The following BMP1 variants were observed in gnomAD, a reference collection of about 807,000 sequenced individuals.
The protein encoded by BMP1 is bone morphogenetic protein 1.
Under a neutral mutation model 116.8 loss-of-function variants are expected in BMP1, and 63 were observed. That is an observed-to-expected ratio of 0.54 (90% CI 0.44 to 0.67). BMP1 has a LOEUF of 0.67. BMP1 is among the 30% of genes least tolerant of loss of function. BMP1 has a pLI of 0.00. For missense variants in BMP1, 1,183 were observed against 1,358.9 expected (o/e 0.87, Z 2.04); for synonymous variants, 536 against 533.4 (o/e 1.00, Z -0.07).
chr8:22,179,096 T>C lies in BMP1; in HGVS notation c.837-609T>C, dbSNP rs1828538498. Among the ~76,000 whole-genome samples the C allele has an allele frequency of 6.6e-6, 1 of 152,204 alleles. No individual in the cohort carries two copies. ...AGGGCTGCCTGCCTCCCCTTCACTC[T>C]GCTCCTCCCAGTGCAAACACCCAGG... is the stretch of plus-strand genomic sequence containing the variant. On this transcript the variant is annotated intron_variant, in intron 6 of 19. Transcript: ENST00000306385. The surrounding 1 kb of genome is among the most constrained non-coding windows in gnomAD (Gnocchi z 4.6).
intron 13 of BMP1, chr8:22,196,198 GT>G (rs1426291927): frequency 3.8e-6 from 2 of 523,506 alleles, no homozygotes; most frequent in African/African-American, 3.8e-5. Context: ...TGATCTACAG[GT>G]TGGGAAACCC....
chr8:22,177,602 G>A, intron 5 of BMP1: 1 of 754,174 alleles, frequency 1.3e-6, no homozygotes, highest in Non-Finnish European at 2.4e-6. Flanking sequence ...TCTCAGCTGT[G>A]GCTCTAGAAA....
chr8:22,168,745 C>G (rs1828190017), intron 1 of BMP1, among the ~76,000 whole-genome samples: 1 of 152,112 alleles, frequency 6.6e-6, no homozygotes. Flanking sequence ...AGTCACCCCA[C>G]CCACCCAGGC....
chr8:22,207,631 G>T, intron 18 of BMP1, 115 bp downstream of exon 18: 1 of 1,225,978 alleles, frequency 8.2e-7, no homozygotes. Context: ...GCGACCCAGG[G>T]CCAGGGTTGT....
Position 22,176,623 on chromosome 8 carries a change from A to G in BMP1, c.524A>G (p.Tyr175Cys). 2 of 1,614,172 alleles carry G rather than the reference A, an allele frequency of 1.2e-6. No homozygotes were observed. Among genetic ancestry groups the G allele is most frequent in the Non-Finnish European group, 8.5e-7 (1 of 1,180,010 alleles). ...TFLERTDEDS[Y>C]IVFTYRPCGC... The stretch of plus-strand genomic sequence containing the variant: ...CTGGAGCGCACTGACGAGGACAGCT[A>G]TATTGTGTTCACCTATCGACCTTGC... The change falls in exon 4 of 20, where the codon TAT (tyrosine) becomes TGT (cysteine). Residue 175 changes from tyrosine to cysteine, a missense_variant. Coordinates refer to ENST00000306385, the MANE Select transcript of BMP1 (RefSeq NM_006129.5).
At chr8:22,169,494 T>C (rs1828215029) in intron 1 of BMP1, 1 of 152,298 alleles carries the variant, frequency 6.6e-6, no homozygotes, top group Non-Finnish European at 1.5e-5. Context: ...TTTGTGCATA[T>C]GCGTGGGTGT....
At chr8:22,198,836 C>T in intron 15 of BMP1, 1 of 754,710 alleles carries the variant, frequency 1.3e-6, no homozygotes, top group South Asian at 2.3e-5. Context: ...CCTCCTGCCC[C>T]CAACCCCCGC....
chr8:22,175,974 C>T (rs910222415), intron 2 of BMP1, among the ~76,000 whole-genome samples, 169 bp from the exon 3 acceptor site: 1 of 152,186 alleles, frequency 6.6e-6, no homozygotes, highest in Admixed American at 6.5e-5. Context: ...TGCAAATGTC[C>T]ACAAATGACC....
chr8:22,199,566 G>T (rs1326150791), intron 15 of BMP1, among the ~76,000 whole-genome samples: 2 of 152,074 alleles, frequency 1.3e-5, no homozygotes, highest in African/African-American at 2.4e-5. Flanking sequence ...GCGTTCACTC[G>T]CATTTGGCAG....
At chr8:22,173,066 T>C (rs1586435973) in intron 1 of BMP1, among the ~76,000 whole-genome samples, 1 of 152,288 alleles carries the variant, frequency 6.6e-6, no homozygotes, top group East Asian at 1.9e-4. Context: ...TTGCATATTA[T>C]GGAAGGTTAG....
Position 22,179,587 on chromosome 8 carries a change from G to A in BMP1, c.837-118G>A. 4 of 1,572,068 alleles carry A rather than the reference G, an allele frequency of 2.5e-6. No individual in the cohort carries two copies. The highest frequency in any genetic ancestry group is 3.5e-6 in the Non-Finnish European group (4 of 1,156,724). ...GACGACTCCACCCGGCCCTGACCCT[G>A]CTGAGGAATGTCTGAGCTCCAGCAG... On this transcript the variant is annotated intron_variant, in intron 6 of 19. Coordinates refer to ENST00000306385, the MANE Select transcript of BMP1 (RefSeq NM_006129.5). This position sits in a 1 kb window ranked among gnomAD's most constrained non-coding sequence, Gnocchi z 4.6.
At chr8:22,186,280 C>T (rs1828768868) in intron 8 of BMP1, among the ~76,000 whole-genome samples, 1 of 152,198 alleles carries the variant, frequency 6.6e-6, no homozygotes, top group African/African-American at 2.4e-5. Flanking sequence ...TGAAAATGGA[C>T]ACTTGTCCTT....
intron 13 of BMP1, chr8:22,196,265 G>A (rs79619458): frequency 0.015 from 8,225 of 537,032 alleles, 142 homozygotes; most frequent in Middle Eastern, 0.078. Context: ...GAGATGCTGG[G>A]GACAGCACTC....
chr8:22,195,470 G>A lies in BMP1; in HGVS notation c.1648G>A (p.Glu550Lys), dbSNP rs991703089. 6 of 1,606,998 alleles carry A rather than the reference G, an allele frequency of 3.7e-6. No individual in the cohort carries two copies. Among genetic ancestry groups the A allele is most frequent in the Admixed American group, 1.7e-5 (1 of 57,656 alleles). ...TTTCCTTCCCACCACAGAGGTGGAC[G>A]AGTGCTCTCGGCCCAACCGCGGGGG... is the stretch of plus-strand genomic sequence containing the variant. ...FAVNFFKEVD[E>K]CSRPNRGGCE... The change falls in exon 13 of 20, where the codon GAG becomes AAG. Residue 550 changes from glutamate (E) to lysine (K), a missense_variant. Physicochemically the swap from Glu to Lys is moderately conservative, Grantham distance 56. Transcript: ENST00000306385.
chr8:22,165,900 T>C (rs998707382), intron 1 of BMP1, among the ~76,000 whole-genome samples: 3 of 122,782 alleles, frequency 2.4e-5, no homozygotes, highest in African/African-American at 7.7e-5. Flanking sequence ...TGTGTGTGTG[T>C]GTGTGTGTGT....
chr8:22,172,645 C>T (rs1441350104), intron 1 of BMP1, among the ~76,000 whole-genome samples: 1 of 127,914 alleles, frequency 7.8e-6, no homozygotes, highest in African/African-American at 3.1e-5. Context: ...CAGGGTCTCA[C>T]TCTGTTGCCC....
In BMP1 at chr8:22,207,448, G is replaced by A. The variant is rs762317805; in HGVS notation, c.2507G>A (p.Arg836His). Residue 836 changes from arginine (R) to histidine (H), a missense_variant, in exon 18 of 20, where the codon CGC (arginine) becomes CAC (histidine). Physicochemically the swap from Arg to His is conservative, Grantham distance 29 (BLOSUM62 0). Around this residue, in one of 4 missense-constraint regions of BMP1, gnomAD observed 956 missense variants for 1,135.2 expected, o/e 0.84. Coordinates refer to ENST00000306385, the MANE Select transcript of BMP1 (RefSeq NM_006129.5). ...KPEPVLATGS[R>H]MFLRFYSDNS... ...GAGCCCGTCCTGGCCACAGGCAGCC[G>A]CATGTTCCTGCGCTTCTACTCAGAT... 2.8e-5 allele frequency: 45 copies of A among 1,614,002 alleles called. No individual in the cohort carries two copies. Among genetic ancestry groups the A allele is most frequent in the Non-Finnish European group, 3.6e-5 (43 of 1,180,052 alleles).
chr8:22,205,780 T>C (rs1479894103), intron 16 of BMP1, among the ~76,000 whole-genome samples: 4 of 152,150 alleles, frequency 2.6e-5, no homozygotes, highest in Non-Finnish European at 4.4e-5. Flanking sequence ...ATTTTTGTTT[T>C]TGTTTTTTAA....
chr8:22,176,686 A>T, intron 4 of BMP1, 36 bp downstream of exon 4: 1 of 1,605,630 alleles, frequency 6.2e-7, no homozygotes, highest in Non-Finnish European at 8.5e-7. Context: ...ACCTTCCGCC[A>T]TTGCCCCAAC....
Sources: allele counts gnomAD v4.1 joint callset (sites outside exome capture counted in the v4.1 genomes callset), GRCh38; gene constraint gnomAD v4.1.1; regional missense constraint gnomAD v4.1.1; non-coding constraint Gnocchi (gnomAD v3.1); transcripts MANE v1.5; gene names NCBI Gene and HGNC (gene_info 2026-07-23, HGNC 2026-07-21).